Variants in ADCY9 observed in about 807,000 individuals in gnomAD.
The protein encoded by ADCY9 is adenylate cyclase type 9.
A neutral mutation model predicts 101.5 loss-of-function variants in ADCY9; 50 were observed. The observed-to-expected ratio is 0.49, with a 90% CI of 0.39 to 0.62. The LOEUF (loss-of-function observed/expected upper bound fraction) is 0.62. ADCY9 is among the 20% of genes least tolerant of loss of function. The pLI, the probability that ADCY9 is intolerant of heterozygous loss-of-function variation, is 0.00. For missense variants in ADCY9, 1,662 were observed against 1,800.4 expected (o/e 0.92, Z 1.39); for synonymous variants, 905 against 769.3 (o/e 1.18, Z -2.92).
intron 2 of ADCY9, among the ~76,000 whole-genome samples, chr16:4,030,224 G>A (rs1027653380): frequency 6.6e-6 from 1 of 152,102 alleles, no homozygotes; most frequent in African/African-American, 2.4e-5. Context: ...TATTCACAGG[G>A]ATTATTGTAA....
At chr16:3,977,422 C>T (rs2072346) in intron 9 of ADCY9, 60 bp downstream of exon 9, 1,148,705 of 1,524,690 alleles carry the variant, frequency 0.75, 448,819 homozygotes, top group Non-Finnish European at 0.81. Context: ...CCAGGCCCTA[C>T]GCAACCTCGG....
chr16:4,101,281 A>ATTT (rs34733913), intron 2 of ADCY9, among the ~76,000 whole-genome samples: 18,233 of 135,408 alleles, frequency 0.13, 1,562 homozygotes, highest in African/African-American at 0.19. Flanking sequence ...TGTTCAGGTG[A>ATTT]TTTTTTTTTT....
rs778588883 is a variant in ADCY9, at chr16:3,966,006, C to G, written c.3831G>C (p.Glu1277Asp). The stretch of plus-strand genomic sequence containing the variant: ...GGACAGAAGGCACCAGGTTGGCAAT[C>G]TCGTCTGTGGGAGACCGTCCGATGC... Reference protein sequence around the residue: ...DGSIGRSPTDEIANLVPSVQY... With the variant: ...DGSIGRSPTDDIANLVPSVQY... The change falls in exon 11 of 11, where the codon GAG becomes GAC. Residue 1277 changes from glutamate to aspartate, a missense_variant. Around this residue, in one of 5 missense-constraint regions of ADCY9, gnomAD observed 168 missense variants for 155.3 expected, o/e 1.08. Coordinates refer to ENST00000294016, the MANE Select transcript of ADCY9 (RefSeq NM_001116.4). The G allele has an allele frequency of 6.2e-7, 1 of 1,614,222 alleles. No individual in the cohort carries two copies. Among genetic ancestry groups the G allele is most frequent in the Admixed American group, 1.7e-5 (1 of 60,030 alleles).
intron 2 of ADCY9, among the ~76,000 whole-genome samples, chr16:4,019,450 T>A (rs764763963): frequency 6.6e-6 from 1 of 152,202 alleles, no homozygotes; most frequent in Non-Finnish European, 1.5e-5. Context: ...GTGGACTCAA[T>A]GCACAATCAA....
At chr16:4,098,203 C>G (rs115534514) in intron 2 of ADCY9, among the ~76,000 whole-genome samples, 3 of 151,360 alleles carry the variant, frequency 2.0e-5, no homozygotes, top group African/African-American at 4.9e-5. Context: ...ATGTCATCTA[C>G]GTTTTGGTTT....
chr16:3,990,769 G>A (rs28497761), intron 5 of ADCY9, among the ~76,000 whole-genome samples: 3,157 of 115,948 alleles, frequency 0.027, 94 homozygotes, highest in African/African-American at 0.076. Flanking sequence ...TGGCAGAAGC[G>A]ACACTGCTAT....
chr16:4,027,647 T>C (rs1365529080), intron 2 of ADCY9, among the ~76,000 whole-genome samples: 5 of 151,978 alleles, frequency 3.3e-5, no homozygotes, highest in East Asian at 1.9e-4. Context: ...GAGGCCGAGG[T>C]GGGCATATCA....
chr16:4,031,709 C>T (rs1356015853), intron 2 of ADCY9, among the ~76,000 whole-genome samples: 1 of 151,650 alleles, frequency 6.6e-6, no homozygotes, highest in Non-Finnish European at 1.5e-5. Context: ...CATGGCGAAA[C>T]CACTGGCTAA....
intron 2 of ADCY9, among the ~76,000 whole-genome samples, chr16:4,025,443 C>T (rs914477288): frequency 4.0e-5 from 6 of 151,576 alleles, no homozygotes; most frequent in Non-Finnish European, 7.4e-5. Flanking sequence ...CTAGCAAAGC[C>T]AGCCTGGGTT....
intron 4 of ADCY9, among the ~76,000 whole-genome samples, chr16:3,993,038 C>A (rs1487553105): frequency 6.6e-6 from 1 of 152,118 alleles, no homozygotes; most frequent in Non-Finnish European, 1.5e-5. Context: ...CTCTCTTCAC[C>A]CAGCCTTTCT....
rs1034459817 is a variant in ADCY9 at position 3,965,592 on chromosome 16, A to C, written c.*183T>G. The C allele has an allele frequency of 1.6e-5, 10 of 636,532 alleles. No individual in the cohort carries two copies. Among genetic ancestry groups the C allele is most frequent in the Admixed American group, 1.2e-4 (4 of 33,726 alleles). The allele number at this position is 636,532 out of a possible 1,614,324, so 39.4% of individuals were successfully genotyped here. ...CGGGGTTTCCAGGGAAGGGAGCGAAAGGGAAGAATGGATGAAAATGAACCC... is the reference window on the plus strand; with the variant it reads ...CGGGGTTTCCAGGGAAGGGAGCGAACGGGAAGAATGGATGAAAATGAACCC... On this transcript the variant is annotated 3_prime_UTR_variant, in exon 11 of 11. Coordinates refer to ENST00000294016, the MANE Select transcript of ADCY9 (RefSeq NM_001116.4).
At chr16:4,081,236 G>A (rs948409074) in intron 2 of ADCY9, among the ~76,000 whole-genome samples, 3 of 152,126 alleles carry the variant, frequency 2.0e-5, no homozygotes, top group Admixed American at 6.5e-5. Context: ...ATCAGCAGGC[G>A]GCACCTGGGA....
intron 3 of ADCY9, among the ~76,000 whole-genome samples, chr16:4,003,666 G>A (rs1293566304): frequency 6.6e-6 from 1 of 150,402 alleles, no homozygotes; most frequent in African/African-American, 2.4e-5. Flanking sequence ...CTGGGCTCAA[G>A]CGATCTTCCT....
At chr16:4,014,611 C>G (rs2141729307) in intron 2 of ADCY9, among the ~76,000 whole-genome samples, 1 of 151,840 alleles carries the variant, frequency 6.6e-6, no homozygotes, top group Admixed American at 6.6e-5. Flanking sequence ...CCATGCCTGG[C>G]TAATTTTTGT....
In ADCY9 at chr16:4,090,395, T is replaced by C. The variant is rs187940654; in HGVS notation, c.1693+23355A>G. 2.6e-4 allele frequency among the ~76,000 whole-genome samples: 39 copies of C among 152,282 alleles called. No homozygotes were observed. The East Asian group carries it at 6.9e-3, about 27-fold the overall frequency. On this transcript the variant is annotated intron_variant, in intron 2 of 10. Transcript: ENST00000294016. ...GACATGTTTACATGCTATTTCTTGT[T>C]TTAACAACATGAAAACAAAATAAAA...
chr16:3,983,175 A>G (rs1282685277), intron 7 of ADCY9, 57 bp downstream of exon 7: 4 of 1,466,148 alleles, frequency 2.7e-6, no homozygotes, highest in Non-Finnish European at 3.7e-6. Flanking sequence ...TAAGCCATGG[A>G]GCCAGAAGAG....
At chr16:4,107,455 G>T (rs1456131716) in intron 2 of ADCY9, among the ~76,000 whole-genome samples, 1 of 148,334 alleles carries the variant, frequency 6.7e-6, no homozygotes, top group Admixed American at 7.0e-5. Context: ...GGAGGCTGAG[G>T]CAGGAGAACC....
chr16:3,977,646 G>C lies in ADCY9; in HGVS notation c.2680-16C>G. 2 of 1,603,702 alleles carry C rather than the reference G, an allele frequency of 1.2e-6. No homozygotes were observed. Among genetic ancestry groups the C allele is most frequent in the Non-Finnish European group, 1.7e-6 (2 of 1,172,496 alleles). ...ACACTGGGAACTGCAAGAGGCGAAG[G>C]GTTAGGACAGCCGCCCAGGGCCACC... On this transcript the variant is annotated splice_polypyrimidine_tract_variant and intron_variant, in intron 8 of 10. Coordinates refer to ENST00000294016, the MANE Select transcript of ADCY9 (RefSeq NM_001116.4).
Position 3,974,694 on chromosome 16 carries a change from G to C in ADCY9, c.2845C>G (p.Pro949Ala), listed in dbSNP as rs1044390225. 24 of 1,612,940 alleles carry C rather than the reference G, an allele frequency of 1.5e-5. No homozygotes were observed. The highest frequency in any genetic ancestry group is 2.0e-5 in the Non-Finnish European group (24 of 1,179,114). Residue 949 changes from proline (P) to alanine (A), a missense_variant, in exon 10 of 11, where the codon CCC becomes GCC. Coordinates refer to ENST00000294016, the MANE Select transcript of ADCY9 (RefSeq NM_001116.4). Reference protein sequence around the residue: ...LCPDSSVLTSPLDAVQNFSSE... With the variant: ...LCPDSSVLTSALDAVQNFSSE... ...CTGAAATTCTGTACTGCGTCAAGGG[G>C]CGAAGTTAATACAGAACTGAAATTA...
Sources: allele counts gnomAD v4.1 joint callset (sites outside exome capture counted in the v4.1 genomes callset), GRCh38; gene constraint gnomAD v4.1.1; regional missense constraint gnomAD v4.1.1; transcripts MANE v1.5; gene names NCBI Gene and HGNC (gene_info 2026-07-23, HGNC 2026-07-21).